CCDC158: variants seen among roughly 807,000 people sequenced by gnomAD.
The protein encoded by CCDC158 is coiled-coil domain-containing protein 158.
Under a neutral mutation model 138.6 loss-of-function variants are expected in CCDC158, and 116 were observed. The ratio of observed to expected loss-of-function variants is 0.84; its 90% CI spans 0.72 to 0.98. The LOEUF (loss-of-function observed/expected upper bound fraction) is 0.98. CCDC158 is among the 50% of genes least tolerant of loss of function. The pLI is 0.00. For missense variants in CCDC158, 1,265 were observed against 1,306.1 expected (o/e 0.97, Z 0.48); for synonymous variants, 436 against 442.4 (o/e 0.99, Z 0.18).
intron 19 of CCDC158, among the ~76,000 whole-genome samples, chr4:76,332,957 T>A (rs549615339): frequency 6.6e-6 from 1 of 152,182 alleles, no homozygotes; most frequent in African/African-American, 2.4e-5. Context: ...AATATATGCC[T>A]AAGTTTACAA....
intron 18 of CCDC158, 61 bp downstream of exon 18, chr4:76,350,935 C>A (rs1277673661): frequency 2.7e-6 from 4 of 1,485,854 alleles, no homozygotes; most frequent in Non-Finnish European, 3.7e-6. Context: ...TAATTCTTTC[C>A]AATTTAAAAT....
chr4:76,316,727 T>A (rs1229119005), intron 24 of CCDC158, among the ~76,000 whole-genome samples: 1 of 152,018 alleles, frequency 6.6e-6, no homozygotes, highest in Non-Finnish European at 1.5e-5. Flanking sequence ...TCAGGTAAGC[T>A]ATAAAGGAAA....
intron 22 of CCDC158, among the ~76,000 whole-genome samples, chr4:76,326,426 C>T (rs1720538119): frequency 6.6e-6 from 1 of 151,950 alleles, no homozygotes; most frequent in Non-Finnish European, 1.5e-5. Flanking sequence ...GATGATATGG[C>T]AGAAAATCAA....
rs190219163 is a variant in CCDC158 at position 76,362,754 on chromosome 4, A to G, written c.1831-439T>C. Among the ~76,000 whole-genome samples, 11 of 152,368 alleles carry G rather than the reference A, an allele frequency of 7.2e-5. No individual in the cohort carries two copies. In the East Asian group the frequency reaches 2.1e-3, roughly 29 times the overall value. On this transcript the variant is annotated intron_variant, in intron 12 of 24. Transcript: ENST00000682701. ...TGAGGGCCTCTAACCTGGGCACCTC[A>G]GTTACCTCACCCTAGTCCTGGCCCT...
In CCDC158 at chr4:76,403,208, A is replaced by G. The variant is rs927200662; in HGVS notation, c.-1T>C. ...TTGATTCCCAAGCTTTTGATTCCAT[A>G]TTAAATATTGCTACTTCTTATTAGA... On this transcript the variant is annotated 5_prime_UTR_variant, in exon 3 of 25. Coordinates refer to ENST00000682701, the MANE Select transcript of CCDC158 (RefSeq NM_001394954.1). The G allele has an allele frequency of 6.3e-7, 1 of 1,588,114 alleles. No homozygotes were observed. Among genetic ancestry groups the G allele is most frequent in the Non-Finnish European group, 8.6e-7 (1 of 1,160,772 alleles).
intron 4 of CCDC158, among the ~76,000 whole-genome samples, chr4:76,387,736 T>C (rs1488494481): frequency 6.7e-6 from 1 of 149,858 alleles, no homozygotes; most frequent in African/African-American, 2.5e-5. Context: ...GGCAGGAGAA[T>C]CATTTGCACC....
chr4:76,317,052 A>G (rs1719466965), intron 24 of CCDC158, among the ~76,000 whole-genome samples: 2 of 152,110 alleles, frequency 1.3e-5, no homozygotes, highest in South Asian at 4.1e-4. Flanking sequence ...AGGGCCTATA[A>G]AACAATAACA....
chr4:76,366,626 A>ACACAC (rs1724690719), intron 12 of CCDC158, among the ~76,000 whole-genome samples: 9 of 25,664 alleles, frequency 3.5e-4, no homozygotes, highest in Admixed American at 7.0e-4. Flanking sequence ...CTGCTACATA[A>ACACAC]ACACACACAC....
At chr4:76,417,731 T>C (rs1324187050) in intron 1 of CCDC158, among the ~76,000 whole-genome samples, 1 of 152,040 alleles carries the variant, frequency 6.6e-6, no homozygotes, top group Non-Finnish European at 1.5e-5. Context: ...GCTCCTCTAG[T>C]TAGGGTAGGT....
intron 18 of CCDC158, among the ~76,000 whole-genome samples, chr4:76,350,332 A>G (rs1319825050): frequency 6.6e-6 from 1 of 152,222 alleles, no homozygotes; most frequent in African/African-American, 2.4e-5. Flanking sequence ...AGGTGAAACA[A>G]CAGATTACTG....
At chr4:76,404,762 T>C (rs1728680700) in intron 2 of CCDC158, among the ~76,000 whole-genome samples, 1 of 152,080 alleles carries the variant, frequency 6.6e-6, no homozygotes, top group Admixed American at 6.6e-5. Flanking sequence ...TGGTGGCTCA[T>C]GCCTGTAATC....
chr4:76,360,491 G>A (rs1403813867), intron 13 of CCDC158, among the ~76,000 whole-genome samples: 1 of 152,216 alleles, frequency 6.6e-6, no homozygotes, highest in Admixed American at 6.5e-5. Flanking sequence ...CAGCCATGGG[G>A]GCTGTACCCT....
chr4:76,403,332 G>T, intron 2 of CCDC158, 52 bp from the exon 3 acceptor site: 3 of 549,256 alleles, frequency 5.5e-6, no homozygotes, highest in Non-Finnish European at 9.1e-6. Context: ...TGTGAAAAAA[G>T]TTCATAGAAG....
intron 3 of CCDC158, among the ~76,000 whole-genome samples, chr4:76,401,802 C>T (rs182164400): frequency 6.6e-6 from 1 of 152,188 alleles, no homozygotes; most frequent in Admixed American, 6.5e-5. Flanking sequence ...GATGACGATG[C>T]ACCTAAGCAG....
chr4:76,359,096 TTC>T (rs35311653), intron 13 of CCDC158, among the ~76,000 whole-genome samples: 4,689 of 147,562 alleles, frequency 0.032, 209 homozygotes, highest in African/African-American at 0.1. Context: ...CACCTCCCTC[TTC>T]TCTCTCTCTC....
chr4:76,367,081 C>G (rs919648680), intron 12 of CCDC158, among the ~76,000 whole-genome samples: 1 of 151,996 alleles, frequency 6.6e-6, no homozygotes, highest in Non-Finnish European at 1.5e-5. Context: ...CTTTTGTACC[C>G]GTGATTTTGA....
intron 16 of CCDC158, 72 bp from the exon 17 acceptor site, chr4:76,351,884 G>A: frequency 1.1e-6 from 1 of 883,312 alleles, no homozygotes; most frequent in South Asian, 1.5e-5. Flanking sequence ...ACCTATGAAT[G>A]CAGAGCTGCC....
rs534695087 is a variant in CCDC158 at position 76,335,312 on chromosome 4, A to G, written c.2665-1145T>C. On this transcript the variant is annotated intron_variant, in intron 18 of 24. Transcript: ENST00000682701. ...AATACCCAATATGGAATAAAACCTC[A>G]TAAAGTTAATAAAGAAAAACTTATC... is the stretch of plus-strand genomic sequence containing the variant. Among the ~76,000 whole-genome samples, 7 of 152,316 alleles carry G rather than the reference A, an allele frequency of 4.6e-5. No individual in the cohort carries two copies. The South Asian group carries it at 6.2e-4, about 14-fold the overall frequency.
At chr4:76,364,239 A>T (rs1173087070) in intron 12 of CCDC158, among the ~76,000 whole-genome samples, 1 of 152,144 alleles carries the variant, frequency 6.6e-6, no homozygotes, top group Non-Finnish European at 1.5e-5. Flanking sequence ...CCAATTGTTG[A>T]TCAAATCCTG....
Sources: allele counts gnomAD v4.1 joint callset (sites outside exome capture counted in the v4.1 genomes callset), GRCh38; gene constraint gnomAD v4.1.1; transcripts MANE v1.5; gene names NCBI Gene and HGNC (gene_info 2026-07-23, HGNC 2026-07-21).